NF1: variants seen among roughly 807,000 people sequenced by gnomAD.
NF1 encodes neurofibromin 1, also known as neurofibromin.
In NF1, 122 loss-of-function variants were observed where a neutral mutation model predicts 325.7. That is an observed-to-expected ratio of 0.37 (90% CI 0.32 to 0.44). The LOEUF (loss-of-function observed/expected upper bound fraction) is 0.44. NF1 is among the 20% of genes least tolerant of loss of function. The probability of loss-of-function intolerance (pLI) is 1.00; values close to 1 mark genes in which losing one functional copy is unlikely to be tolerated. For synonymous variants in NF1, 1,091 were observed against 1,186.0 expected, an observed-to-expected ratio of 0.92 and a Z score of 1.65; for missense variants, 2,140 against 3,415.4, an observed-to-expected ratio of 0.63 and a Z score of 9.31.
intron 50 of NF1, among the ~76,000 whole-genome samples, chr17:31,350,714 T>C (rs2070119591): frequency 6.6e-6 from 1 of 152,212 alleles, no homozygotes; most frequent in Non-Finnish European, 1.5e-5. Context: ...CTAACACATT[T>C]GTTGTATTTA....
chr17:31,115,350 A>G (rs962633373), intron 1 of NF1, among the ~76,000 whole-genome samples: 42 of 152,184 alleles, frequency 2.8e-4, no homozygotes, highest in Non-Finnish European at 4.3e-4. Context: ...GGCAGTGGTC[A>G]TGAGGTAGTT....
intron 1 of NF1, among the ~76,000 whole-genome samples, chr17:31,120,408 T>C (rs1179081462): frequency 1.3e-5 from 2 of 152,194 alleles, no homozygotes; most frequent in African/African-American, 4.8e-5. Flanking sequence ...TGGCTGTTTG[T>C]CTGTTATTGG....
Position 31,293,517 on chromosome 17 carries a change from G to C in NF1, c.4835+28178G>C, listed in dbSNP as rs143949456. On this transcript the variant is annotated intron_variant, in intron 36 of 57. Transcript: ENST00000358273. ...GTACTAGACAGCATGAAAGATGACT[G>C]TTTTGTTGAAGCTTAATGGTAATTT... 6.7e-3 allele frequency among the ~76,000 whole-genome samples: 1,027 copies of C among 152,282 alleles called. 17 individuals carry two copies. Among genetic ancestry groups the C allele is most frequent in the African/African-American group, 0.023 (962 of 41,576 alleles).
intron 1 of NF1, among the ~76,000 whole-genome samples, chr17:31,116,707 G>A (rs1008601052): frequency 6.6e-6 from 1 of 151,694 alleles, no homozygotes; most frequent in African/African-American, 2.4e-5. Flanking sequence ...TTGCCCTGTC[G>A]CCCAGGCTGG....
At chr17:31,296,349 C>T in intron 36 of NF1, 1 of 1,613,824 alleles carries the variant, frequency 6.2e-7, no homozygotes, top group Non-Finnish European at 8.5e-7. Flanking sequence ...TAGAAACAAA[C>T]AGATACACCC....
chr17:31,173,477 T>C (rs2065966893), intron 5 of NF1, among the ~76,000 whole-genome samples: 1 of 151,528 alleles, frequency 6.6e-6, no homozygotes, highest in South Asian at 2.1e-4. Flanking sequence ...GTGCCCATAA[T>C]CCCAGCTACT....
In NF1 at chr17:31,206,241, C is replaced by T. The variant is rs1353527088; in HGVS notation, c.1262C>T (p.Ser421Phe). 1.9e-6 allele frequency: 3 copies of T among 1,613,540 alleles called. No individual in the cohort carries two copies. Among genetic ancestry groups the T allele is most frequent in the African/African-American group, 1.3e-5 (1 of 74,896 alleles). ...VNSLHRIITN[S>F]ALDWWPKIDA... ...CTATTGGTCTTTGTTTTTCTCTAGT[C>T]CGCATTGGATTGGTGGCCTAAGATT... is the stretch of plus-strand genomic sequence containing the variant. Residue 421 changes from serine (S) to phenylalanine (F), a missense_variant and splice_region_variant, in exon 12 of 58, where the codon TCC becomes TTC. Coordinates refer to ENST00000358273, the MANE Select transcript of NF1 (RefSeq NM_001042492.3).
intron 36 of NF1, among the ~76,000 whole-genome samples, chr17:31,280,516 CAAAAAAA>C (rs57193583): frequency 7.5e-5 from 6 of 79,530 alleles, no homozygotes; most frequent in Non-Finnish European, 1.1e-4. Context: ...GACTCTGTCT[CAAAAAAA>C]AAAAAAAAAA....
At chr17:31,148,958 T>G (rs1916754047) in intron 1 of NF1, among the ~76,000 whole-genome samples, 1 of 152,144 alleles carries the variant, frequency 6.6e-6, no homozygotes, top group Admixed American at 6.5e-5. Context: ...ACTTCTACTT[T>G]CTTTTCATTT....
rs2151429502 is a variant in NF1, at chr17:31,229,331, C to A, written c.2716C>A (p.His906Asn). 6.2e-7 allele frequency: 1 copy of A among 1,613,882 alleles called. No homozygotes were observed. Among genetic ancestry groups the A allele is most frequent in the Non-Finnish European group, 8.5e-7 (1 of 1,179,826 alleles). The change falls in exon 21 of 58, where the codon CAT (histidine) becomes AAT (asparagine). Residue 906 changes from histidine to asparagine, a missense_variant. By Grantham distance (68) the His-to-Asn change is moderately conservative (BLOSUM62 1). Coordinates refer to ENST00000358273, the MANE Select transcript of NF1 (RefSeq NM_001042492.3). ...GCTGTTGTCCTTAATGGTGTGTAAC[C>A]ATGAGAAAGTGGGACTTCAAATACG... ...DRLLSLMVCNHEKVGLQIRTN... is the reference protein window; with the variant it reads ...DRLLSLMVCNNEKVGLQIRTN...
chr17:31,170,122 T>A, intron 5 of NF1, 125 bp downstream of exon 5: 1 of 676,984 alleles, frequency 1.5e-6, no homozygotes. Context: ...TGACATTTCC[T>A]TGTGAAATAA....
chr17:31,187,483 A>T (rs117211260), intron 8 of NF1, among the ~76,000 whole-genome samples: 3 of 152,224 alleles, frequency 2.0e-5, no homozygotes, highest in Non-Finnish European at 4.4e-5. Context: ...GCATGAGCCA[A>T]TGTGCCTGGC....
intron 7 of NF1, 47 bp from the exon 8 acceptor site, chr17:31,182,461 G>A (rs2066154649): frequency 6.3e-7 from 1 of 1,588,572 alleles, no homozygotes; most frequent in African/African-American, 1.3e-5. Flanking sequence ...TAATGCCAGG[G>A]ATTTTGTTCC....
At chr17:31,234,393 G>A (rs1022635667) in intron 27 of NF1, among the ~76,000 whole-genome samples, 2 of 152,112 alleles carry the variant, frequency 1.3e-5, no homozygotes, top group Non-Finnish European at 2.9e-5. Context: ...TCAGTTAAGG[G>A]CCGGGTGTGG....
At chr17:31,181,365 G>T in intron 5 of NF1, 57 bp from the exon 6 acceptor site, 1 of 1,466,124 alleles carries the variant, frequency 6.8e-7, no homozygotes, top group Non-Finnish European at 9.5e-7. Context: ...TTTGCTCTGA[G>T]TTGTATTTGT....
intron 15 of NF1, chr17:31,222,263 A>C: frequency 9.5e-7 from 1 of 1,056,544 alleles, no homozygotes; most frequent in South Asian, 4.6e-5. Flanking sequence ...TAGAATGATA[A>C]AATTTTGTAA....
intron 2 of NF1, among the ~76,000 whole-genome samples, chr17:31,158,080 C>T (rs1319982997): frequency 6.6e-6 from 1 of 152,082 alleles, no homozygotes; most frequent in East Asian, 1.9e-4. Flanking sequence ...AATCTCTACC[C>T]ACCCCGATTC....
intron 57 of NF1, among the ~76,000 whole-genome samples, chr17:31,363,345 A>T (rs1165045517): frequency 3.3e-5 from 5 of 151,528 alleles, no homozygotes; most frequent in Non-Finnish European, 7.4e-5. Flanking sequence ...TTACAGAATA[A>T]CTCTTAATGG....
At chr17:31,253,541 A>G (rs1484284441) in intron 31 of NF1, 4 of 152,946 alleles carry the variant, frequency 2.6e-5, no homozygotes, top group African/African-American at 4.8e-5. Context: ...GATTATAGAA[A>G]TTTTAATGGT....
Sources: gnomAD v4.1 joint callset for allele counts (sites outside exome capture counted in the v4.1 genomes callset) on GRCh38, gnomAD v4.1.1 for gene constraint, MANE v1.5 for transcripts, NCBI Gene and HGNC (gene_info 2026-07-23, HGNC 2026-07-21) for gene names.